PTPRG: variants seen among roughly 807,000 people sequenced by gnomAD.
The protein encoded by PTPRG is receptor-type tyrosine-protein phosphatase gamma.
Under a neutral mutation model 165.3 loss-of-function variants are expected in PTPRG, and 102 were observed. The observed-to-expected ratio is 0.62, with a 90% confidence interval of 0.53 to 0.73. The LOEUF is 0.73. Ranked by LOEUF, PTPRG falls within the 30% of genes least tolerant of loss-of-function variation. The pLI is 0.00. For missense variants in PTPRG, 1,866 were observed against 1,861.4 expected (o/e 1.00, Z -0.05); for synonymous variants, 675 against 669.5 (o/e 1.01, Z -0.13).
Position 62,167,821 on chromosome 3 carries a change from G to A in PTPRG, c.841-150G>A, listed in dbSNP as rs143394798. On this transcript the variant is annotated intron_variant, in intron 7 of 29. Coordinates refer to ENST00000474889, the MANE Select transcript of PTPRG (RefSeq NM_002841.4). ...TTTCCAGCAGGCAGCCTCAGGTCCT[G>A]CTGGGTTTAGCAGCCCTGGCATTGG... 18 of 728,644 alleles carry A rather than the reference G, an allele frequency of 2.5e-5. No individual in the cohort carries two copies. In the African/African-American group the frequency reaches 3.2e-4, roughly 13 times the overall value. 45.1% of individuals were successfully genotyped at this position (728,644 alleles called of 1,614,324 possible).
Position 62,173,681 on chromosome 3 carries a change from C to T in PTPRG, c.1033+5518C>T, listed in dbSNP as rs146651690. Among the ~76,000 whole-genome samples the T allele has an allele frequency of 2.3e-3, 356 of 152,260 alleles. 1 individual carries two copies. Among genetic ancestry groups the T allele is most frequent in the Middle Eastern group, 6.8e-3 (2 of 294 alleles). On this transcript the variant is annotated intron_variant, in intron 8 of 29. Coordinates refer to ENST00000474889, the MANE Select transcript of PTPRG (RefSeq NM_002841.4). ...CCCACTTACACTTCACTTTAACACCCGGTCATCTTTCACATCAGAGGGGTA... is the reference window on the plus strand; with the variant it reads ...CCCACTTACACTTCACTTTAACACCTGGTCATCTTTCACATCAGAGGGGTA...
At chr3:61,973,281 T>A (rs2040425056) in intron 2 of PTPRG, among the ~76,000 whole-genome samples, 2 of 152,204 alleles carry the variant, frequency 1.3e-5, no homozygotes, top group Non-Finnish European at 2.9e-5. Flanking sequence ...ACAACTAGGA[T>A]CCAGCTGTTT....
Position 62,203,941 on chromosome 3 carries a change from GTTAA to G in PTPRG, c.2148_2151del (p.Asn717GlnfsTer9). The G allele has an allele frequency of 6.4e-7, 1 of 1,570,442 alleles. No individual in the cohort carries two copies. The highest frequency in any genetic ancestry group is 8.7e-7 in the Non-Finnish European group (1 of 1,154,920). On this transcript the variant is annotated frameshift_variant, in exon 12 of 30. Coordinates refer to ENST00000474889, the MANE Select transcript of PTPRG (RefSeq NM_002841.4). LOFTEE classifies it high-confidence loss of function. The surrounding 1 kb of genome is among the most constrained non-coding windows in gnomAD (Gnocchi z 6.4). Reference sequence around the variant, plus strand: ...TTCTGAAGACAGCAGATTTATCACTGTTAATCCAGGTAAGTGGTGCAGGTCTTCT... The same window carrying G: ...TTCTGAAGACAGCAGATTTATCACTGTCCAGGTAAGTGGTGCAGGTCTTCT...
intron 2 of PTPRG, among the ~76,000 whole-genome samples, chr3:61,956,309 C>T (rs1382000114): frequency 4.6e-5 from 7 of 151,958 alleles, no homozygotes; most frequent in East Asian, 1.9e-4. Context: ...CACACACACA[C>T]GCTTACTACA....
At chr3:62,238,255 T>G (rs1222414471) in intron 14 of PTPRG, among the ~76,000 whole-genome samples, 1 of 152,144 alleles carries the variant, frequency 6.6e-6, no homozygotes, top group Non-Finnish European at 1.5e-5. Flanking sequence ...AGGAGATAAC[T>G]TGTGCAAACT....
At chr3:61,650,641 A>G (rs561464028) in intron 1 of PTPRG, among the ~76,000 whole-genome samples, 1 of 152,304 alleles carries the variant, frequency 6.6e-6, no homozygotes, top group South Asian at 2.1e-4. Context: ...CCATGGAATA[A>G]ATGTTTCCTA....
chr3:61,752,762 T>C (rs1435194973), intron 2 of PTPRG, among the ~76,000 whole-genome samples: 1 of 108,014 alleles, frequency 9.3e-6, no homozygotes, highest in African/African-American at 3.5e-5. Context: ...TATTCCAGCC[T>C]GGGTGATAGA....
chr3:62,086,695 C>A (rs2106782432), intron 5 of PTPRG, among the ~76,000 whole-genome samples: 1 of 151,908 alleles, frequency 6.6e-6, no homozygotes, highest in Non-Finnish European at 1.5e-5. Context: ...TTTTTTAATC[C>A]ACAAACAAAA....
At chr3:62,160,588 A>G (rs1384324713) in intron 7 of PTPRG, among the ~76,000 whole-genome samples, 1 of 152,272 alleles carries the variant, frequency 6.6e-6, no homozygotes, top group Non-Finnish European at 1.5e-5. Context: ...TGCAGGCAAC[A>G]TATTCATGAT....
At chr3:61,936,534 C>T (rs978196077) in intron 2 of PTPRG, among the ~76,000 whole-genome samples, 1 of 152,146 alleles carries the variant, frequency 6.6e-6, no homozygotes, top group South Asian at 2.1e-4. Context: ...CCCTACCCGC[C>T]CCCTACTGGT....
chr3:61,767,334 CATTTT>C (rs1249449476), intron 2 of PTPRG, among the ~76,000 whole-genome samples: 1 of 149,278 alleles, frequency 6.7e-6, no homozygotes, highest in Non-Finnish European at 1.5e-5. Flanking sequence ...CTTTTACTCT[CATTTT>C]GTTTTTGCTT....
intron 2 of PTPRG, among the ~76,000 whole-genome samples, chr3:61,832,243 C>A (rs1401707741): frequency 6.6e-6 from 1 of 152,188 alleles, no homozygotes; most frequent in Non-Finnish European, 1.5e-5. Flanking sequence ...AGAAGCTCCA[C>A]TTTCAAAATT....
rs189212584 is a variant in PTPRG, at chr3:62,209,893, C to T, written c.2155+5943C>T. 2.1e-3 allele frequency among the ~76,000 whole-genome samples: 327 copies of T among 152,284 alleles called. 3 individuals are homozygous for T. The highest frequency in any genetic ancestry group is 0.01 in the Middle Eastern group (3 of 294). On this transcript the variant is annotated intron_variant, in intron 12 of 29. Transcript: ENST00000474889. ...AGGTTGGAGTCAAGAATTCAGGTTG[C>T]AGCAGGTGGCATATTTGGTATAAGA...
chr3:61,720,881 G>A (rs1321021319), intron 1 of PTPRG, among the ~76,000 whole-genome samples: 2 of 152,138 alleles, frequency 1.3e-5, no homozygotes, highest in Non-Finnish European at 2.9e-5. Context: ...TAACTTAGAC[G>A]ATTAGATTTG....
chr3:61,719,905 T>A (rs2031977766), intron 1 of PTPRG, among the ~76,000 whole-genome samples: 2 of 152,186 alleles, frequency 1.3e-5, no homozygotes, highest in African/African-American at 4.8e-5. Flanking sequence ...TGCTCTTGAC[T>A]GCTTCTGTGA....
In PTPRG at chr3:62,224,745, A is replaced by G. The variant is rs1290576336; in HGVS notation, c.2288+5762A>G. Among the ~76,000 whole-genome samples, 2 of 152,150 alleles carry G rather than the reference A, an allele frequency of 1.3e-5. No individual in the cohort carries two copies. Among genetic ancestry groups the G allele is most frequent in the African/African-American group, 4.8e-5 (2 of 41,452 alleles). Reference sequence around the variant, plus strand: ...TCAGACATCAGTCTCATCGGGGACTATTTGAGCAGTGTTTTTATAGGCAGC... The same window carrying G: ...TCAGACATCAGTCTCATCGGGGACTGTTTGAGCAGTGTTTTTATAGGCAGC... On this transcript the variant is annotated intron_variant, in intron 13 of 29. Transcript: ENST00000474889. This position sits in a 1 kb window ranked among gnomAD's most constrained non-coding sequence, Gnocchi z 4.9.
intron 4 of PTPRG, among the ~76,000 whole-genome samples, chr3:62,055,621 C>T (rs1381685832): frequency 6.6e-6 from 1 of 152,160 alleles, no homozygotes. Flanking sequence ...CTGGAGGCTC[C>T]ACATCTGAGA....
intron 20 of PTPRG, 21 bp downstream of exon 20, chr3:62,269,190 G>T: frequency 3.9e-6 from 6 of 1,551,486 alleles, no homozygotes; most frequent in Non-Finnish European, 4.4e-6. Context: ...AATTGGGTAG[G>T]CTGCCAGGGC....
At chr3:61,812,077 A>T (rs960000393) in intron 2 of PTPRG, among the ~76,000 whole-genome samples, 3 of 152,192 alleles carry the variant, frequency 2.0e-5, no homozygotes, top group East Asian at 3.9e-4. Context: ...GTTTTTCAGG[A>T]GGTAGAACTG....
Sources: gnomAD v4.1 joint callset for allele counts (sites outside exome capture counted in the v4.1 genomes callset) on GRCh38, gnomAD v4.1.1 for gene constraint, Gnocchi (gnomAD v3.1) non-coding constraint, MANE v1.5 for transcripts, NCBI Gene and HGNC (gene_info 2026-07-23, HGNC 2026-07-21) for gene names.